The following DNAI7 variants were observed in gnomAD, a reference collection of about 807,000 sequenced individuals.
The protein encoded by DNAI7 is cancer susceptibility 1.
A neutral mutation model predicts 86.6 loss-of-function variants in DNAI7; 78 were observed. That is an observed-to-expected ratio of 0.90 (90% CI 0.75 to 1.09). The LOEUF is 1.09. Ranked by LOEUF, DNAI7 falls within the 50% of genes least tolerant of loss-of-function variation. The pLI is 0.00. For synonymous variants in DNAI7, 274 were observed against 273.0 expected, an observed-to-expected ratio of 1.00 and a Z score of -0.04; for missense variants, 753 against 810.2, an observed-to-expected ratio of 0.93 and a Z score of 0.86.
chr12:25,181,292 T>G (rs1465476253), intron 2 of DNAI7, among the ~76,000 whole-genome samples: 1 of 151,492 alleles, frequency 6.6e-6, no homozygotes, highest in Non-Finnish European at 1.5e-5. Flanking sequence ...TTATTTTCAT[T>G]TTTTGCAGAG....
At chr12:25,143,335 G>A (rs753108004) in intron 9 of DNAI7, among the ~76,000 whole-genome samples, 4 of 147,096 alleles carry the variant, frequency 2.7e-5, no homozygotes, top group Admixed American at 2.1e-4. Flanking sequence ...TGCAACATCC[G>A]CCTCCTGGGT....
intron 11 of DNAI7, among the ~76,000 whole-genome samples, chr12:25,121,404 G>A (rs897497966): frequency 3.3e-5 from 5 of 152,108 alleles, no homozygotes; most frequent in Admixed American, 6.5e-5. Flanking sequence ...GAGCTAGTAG[G>A]GACCGCGAAG....
At chr12:25,144,732 T>G in intron 8 of DNAI7, 55 bp from the exon 9 acceptor site, 1 of 1,342,782 alleles carries the variant, frequency 7.4e-7, no homozygotes, top group Non-Finnish European at 1.0e-6. Context: ...ACTCTAGATC[T>G]GTGTCAAATT....
chr12:25,136,792 C>T (rs1364496419), intron 9 of DNAI7, among the ~76,000 whole-genome samples: 1 of 151,982 alleles, frequency 6.6e-6, no homozygotes, highest in African/African-American at 2.4e-5. Flanking sequence ...AACAATGGAC[C>T]TAAACAAATA....
chr12:25,183,624 A>G (rs527340090), intron 2 of DNAI7, among the ~76,000 whole-genome samples: 35 of 150,784 alleles, frequency 2.3e-4, no homozygotes, highest in Non-Finnish European at 3.5e-4. Context: ...TACTTTTTGT[A>G]GAGATGGGGT....
intron 9 of DNAI7, among the ~76,000 whole-genome samples, chr12:25,134,343 C>T (rs1448466930): frequency 1.5e-5 from 2 of 135,540 alleles, no homozygotes; most frequent in Non-Finnish European, 3.1e-5. Context: ...AATGGTTTTC[C>T]TTGGCGTACT....
intron 4 of DNAI7, among the ~76,000 whole-genome samples, chr12:25,156,070 C>T (rs898533717): frequency 2.6e-5 from 4 of 151,454 alleles, no homozygotes; most frequent in Non-Finnish European, 5.9e-5. Context: ...CGCAACCGCA[C>T]TCCAGCCTGG....
At position 25,123,199 on chromosome 12, in the gene DNAI7, A is replaced by T. The variant is rs1938741871; in HGVS notation, c.1078+12T>A. Reference sequence around the variant, plus strand: ...CAATAAAGTTAAATTCTTAAAATGTAATTTAGAATACCTGCTGAAACAGTT... The same window carrying T: ...CAATAAAGTTAAATTCTTAAAATGTTATTTAGAATACCTGCTGAAACAGTT... On this transcript the variant is annotated intron_variant, in intron 10 of 15. Transcript: ENST00000395987. The T allele has an allele frequency of 2.0e-6, 3 of 1,520,264 alleles. No individual in the cohort carries two copies. In the Admixed American group the frequency reaches 5.5e-5, roughly 28 times the overall value. 94.2% of individuals were successfully genotyped at this position (1,520,264 alleles called of 1,614,324 possible).
chr12:25,131,525 C>T (rs967794143), intron 9 of DNAI7, among the ~76,000 whole-genome samples: 1 of 152,118 alleles, frequency 6.6e-6, no homozygotes, highest in Non-Finnish European at 1.5e-5. Flanking sequence ...TTCCTATTAC[C>T]ACATACTATG....
intron 9 of DNAI7, among the ~76,000 whole-genome samples, chr12:25,128,279 A>G (rs1177667517): frequency 6.6e-6 from 1 of 152,208 alleles, no homozygotes; most frequent in African/African-American, 2.4e-5. Context: ...ACTCAAAATA[A>G]ATTGTTGGAA....
chr12:25,174,435 T>C (rs1948602219), intron 2 of DNAI7, among the ~76,000 whole-genome samples: 1 of 73,310 alleles, frequency 1.4e-5, no homozygotes, highest in Non-Finnish European at 2.8e-5. Flanking sequence ...ATCATATATA[T>C]CATATATATG....
chr12:25,116,936 CTTAT>C (rs1940231157), intron 12 of DNAI7, among the ~76,000 whole-genome samples: 1 of 151,980 alleles, frequency 6.6e-6, no homozygotes. Context: ...GGTTTTTTAA[CTTAT>C]TTTTTATTTT....
chr12:25,108,565 A>G lies in DNAI7; in HGVS notation c.2152T>C (p.Leu718=). ...SVCHMLLSTR[L]LSYS is the part of the protein sequence containing the mutation. ...AGTGGAGGTTAGGAGTAGCTGAGCA[A>G]TCTGGTAGAGAGCAGCATGTGGCAC... Residue 718 remains leucine (L), a synonymous_variant, in exon 16 of 16, where the codon TTG becomes CTG. Transcript: ENST00000395987. 1 of 1,613,608 alleles carries G rather than the reference A, an allele frequency of 6.2e-7. No individual in the cohort carries two copies. Among genetic ancestry groups the G allele is most frequent in the Non-Finnish European group, 8.5e-7 (1 of 1,179,736 alleles).
chr12:25,160,208 A>C (rs78798915), intron 3 of DNAI7, among the ~76,000 whole-genome samples: 2 of 152,206 alleles, frequency 1.3e-5, no homozygotes, highest in African/African-American at 4.8e-5. Context: ...AAATATAAAC[A>C]CTTCAAGATA....
At chr12:25,145,251 C>T (rs558623784) in intron 8 of DNAI7, among the ~76,000 whole-genome samples, 1 of 152,268 alleles carries the variant, frequency 6.6e-6, no homozygotes, top group South Asian at 2.1e-4. Context: ...TCAAAATATA[C>T]TACACCTCAG....
intron 9 of DNAI7, 122 bp from the exon 10 acceptor site, chr12:25,123,408 A>G: frequency 2.0e-6 from 1 of 508,696 alleles, no homozygotes; most frequent in Non-Finnish European, 3.3e-6. Flanking sequence ...AAAACCCCAA[A>G]CTGATACTTG....
chr12:25,182,224 G>A (rs1022143118), intron 2 of DNAI7, among the ~76,000 whole-genome samples: 4 of 151,356 alleles, frequency 2.6e-5, no homozygotes, highest in African/African-American at 7.3e-5. Flanking sequence ...GTACATGCCT[G>A]TAATCCCAGC....
At chr12:25,146,699 T>C (rs1169251688) in intron 8 of DNAI7, among the ~76,000 whole-genome samples, 2 of 151,996 alleles carry the variant, frequency 1.3e-5, no homozygotes, top group Non-Finnish European at 2.9e-5. Flanking sequence ...ATTTAATGAG[T>C]GTATATTTGT....
chr12:25,125,354 A>C (rs150583992), intron 9 of DNAI7, among the ~76,000 whole-genome samples: 8,822 of 152,116 alleles, frequency 0.058, 358 homozygotes, highest in Non-Finnish European at 0.089. Context: ...TTTGATTTAC[A>C]TTTCTCTAAT....
Sources: allele counts gnomAD v4.1 joint callset (sites outside exome capture counted in the v4.1 genomes callset), GRCh38; gene constraint gnomAD v4.1.1; transcripts MANE v1.5; gene names NCBI Gene and HGNC (gene_info 2026-07-23, HGNC 2026-07-21).